DSCC1: variants seen among roughly 807,000 people sequenced by gnomAD.
DSCC1 encodes sister chromatid cohesion protein DCC1.
In DSCC1, 32 loss-of-function variants were observed where a neutral mutation model predicts 48.2. That is an observed-to-expected ratio of 0.66 (90% CI 0.50 to 0.89). DSCC1 has a LOEUF of 0.89. Among genes scored for constraint, DSCC1 ranks in the 40% least tolerant of loss-of-function variants. The pLI, the probability that DSCC1 is intolerant of heterozygous loss-of-function variation, is 0.00. For missense variants in DSCC1, 421 were observed against 471.7 expected (o/e 0.89, Z 1.00); for synonymous variants, 150 against 171.5 (o/e 0.87, Z 0.98).
intron 7 of DSCC1, among the ~76,000 whole-genome samples, 196 bp downstream of exon 7, chr8:119,841,598 G>T (rs1826770145): frequency 6.6e-6 from 1 of 152,116 alleles, no homozygotes; most frequent in Admixed American, 6.6e-5. Flanking sequence ...TATTTTAAAG[G>T]TATATTTTAT....
At chr8:119,848,844 C>T (rs1826899948) in intron 3 of DSCC1, among the ~76,000 whole-genome samples, 1 of 151,972 alleles carries the variant, frequency 6.6e-6, no homozygotes, top group Non-Finnish European at 1.5e-5. Context: ...AATCCCACCA[C>T]TTTGGGAGGC....
chr8:119,855,507 G>C, intron 1 of DSCC1, 107 bp downstream of exon 1: 1 of 1,402,868 alleles, frequency 7.1e-7, no homozygotes, highest in Non-Finnish European at 9.3e-7. Context: ...TGAGCCCCCG[G>C]CCAGGTCAGT....
At chr8:119,842,919 A>T in intron 5 of DSCC1, 91 bp from the exon 6 acceptor site, 1 of 1,068,340 alleles carries the variant, frequency 9.4e-7, no homozygotes, top group Non-Finnish European at 1.4e-6. Context: ...TAAGAAAGAA[A>T]TTTGAGATTT....
At chr8:119,844,033 T>C (rs1471720063) in intron 4 of DSCC1, among the ~76,000 whole-genome samples, 1 of 151,538 alleles carries the variant, frequency 6.6e-6, no homozygotes, top group Non-Finnish European at 1.5e-5. Flanking sequence ...CGCCTCAGCC[T>C]CCCAAAGTGC....
chr8:119,842,803 A>G lies in DSCC1; in HGVS notation c.742T>C (p.Cys248Arg), dbSNP rs1462333840. ...PEEMIEHCLKCYGKKYVDEGE... is the reference protein window; with the variant it reads ...PEEMIEHCLKRYGKKYVDEGE... ...TCATCTACATATTTCTTCCCATAAC[A>G]TTTAAGACAGTGTTCTATCATTTCC... Residue 248 changes from cysteine (C) to arginine (R), a missense_variant, in exon 6 of 9, where the codon TGT (cysteine) becomes CGT (arginine). Physicochemically the swap from Cys to Arg is radical, Grantham distance 180 (BLOSUM62 -3). Around this residue, in one of 3 missense-constraint regions of DSCC1, gnomAD observed 238 missense variants for 259.0 expected, o/e 0.92. Coordinates refer to ENST00000313655, the MANE Select transcript of DSCC1 (RefSeq NM_024094.3). The G allele has an allele frequency of 2.5e-6, 4 of 1,602,296 alleles. No homozygotes were observed. The highest frequency in any genetic ancestry group is 3.4e-6 in the Non-Finnish European group (4 of 1,175,756).
At chr8:119,847,160 T>A in intron 3 of DSCC1, 80 bp from the exon 4 acceptor site, 1 of 1,204,478 alleles carries the variant, frequency 8.3e-7, no homozygotes, top group Non-Finnish European at 1.2e-6. Flanking sequence ...GAGGAATAAA[T>A]ACATAGAACA....
chr8:119,845,105 G>A (rs1826836664), intron 4 of DSCC1, among the ~76,000 whole-genome samples: 1 of 149,516 alleles, frequency 6.7e-6, no homozygotes. Flanking sequence ...ATTTATTTGT[G>A]ATGGAGTCTC....
chr8:119,845,461 G>C (rs80328302), intron 4 of DSCC1, among the ~76,000 whole-genome samples: 1 of 152,040 alleles, frequency 6.6e-6, no homozygotes, highest in African/African-American at 2.4e-5. Context: ...ATTTCTAAAG[G>C]AGAATGTTTC....
chr8:119,855,431 A>C (rs997979710), intron 1 of DSCC1, among the ~76,000 whole-genome samples, 183 bp downstream of exon 1: 1 of 152,094 alleles, frequency 6.6e-6, no homozygotes, highest in African/African-American at 2.4e-5. Flanking sequence ...GCTACTCATC[A>C]CCGCAGTGCA....
intron 5 of DSCC1, among the ~76,000 whole-genome samples, chr8:119,843,249 C>G (rs1329929728): frequency 6.6e-6 from 1 of 151,830 alleles, no homozygotes; most frequent in African/African-American, 2.4e-5. Flanking sequence ...GCACCACGCC[C>G]AGCTAATTTT....
At chr8:119,840,713 A>C (rs1432928865) in intron 7 of DSCC1, among the ~76,000 whole-genome samples, 1 of 151,968 alleles carries the variant, frequency 6.6e-6, no homozygotes, top group Non-Finnish European at 1.5e-5. Context: ...GGAGTTCGAG[A>C]CCAGCCTGGC....
chr8:119,835,147 G>A (rs6998771), intron 8 of DSCC1, 146 bp from the exon 9 acceptor site: 13,072 of 577,664 alleles, frequency 0.023, 378 homozygotes, highest in South Asian at 0.088. Flanking sequence ...GATAGGGTGG[G>A]GAGTGGTTCT....
At chr8:119,849,694 T>G (rs1826917282) in intron 3 of DSCC1, among the ~76,000 whole-genome samples, 1 of 152,172 alleles carries the variant, frequency 6.6e-6, no homozygotes, top group East Asian at 1.9e-4. Context: ...GTTGCACAAC[T>G]CTGAGAATGT....
At chr8:119,843,030 C>T (rs1826796148) in intron 5 of DSCC1, among the ~76,000 whole-genome samples, 1 of 151,980 alleles carries the variant, frequency 6.6e-6, no homozygotes, top group African/African-American at 2.4e-5. Flanking sequence ...CCATGCTAAA[C>T]ATTTTAACAT....
At chr8:119,835,139 T>A (rs561631810) in intron 8 of DSCC1, 138 bp from the exon 9 acceptor site, 1 of 599,774 alleles carries the variant, frequency 1.7e-6, no homozygotes, top group South Asian at 2.3e-5. Flanking sequence ...GTGGGAGAGA[T>A]AGGGTGGGGA....
At chr8:119,848,461 G>A (rs534688651) in intron 3 of DSCC1, among the ~76,000 whole-genome samples, 7 of 152,242 alleles carry the variant, frequency 4.6e-5, no homozygotes, top group Admixed American at 2.0e-4. Context: ...CAAAGAAACC[G>A]AATGGGCATT....
intron 3 of DSCC1, 62 bp downstream of exon 3, chr8:119,850,320 C>T (rs1826926614): frequency 6.9e-7 from 1 of 1,458,000 alleles, no homozygotes; most frequent in Non-Finnish European, 9.1e-7. Context: ...AAGAATGTGA[C>T]TATTAAGTGC....
intron 6 of DSCC1, among the ~76,000 whole-genome samples, chr8:119,842,462 G>A (rs1446124251): frequency 1.3e-5 from 2 of 150,166 alleles, no homozygotes; most frequent in Non-Finnish European, 3.0e-5. Context: ...GTTCATTGCC[G>A]CCTCGACCTC....
At chr8:119,835,037 T>A in intron 8 of DSCC1, 36 bp from the exon 9 acceptor site, 1 of 1,357,872 alleles carries the variant, frequency 7.4e-7, no homozygotes, top group Non-Finnish European at 1.0e-6. Context: ...ACATGAATAT[T>A]TTAGGGAACA....
Sources: allele counts gnomAD v4.1 joint callset (sites outside exome capture counted in the v4.1 genomes callset), GRCh38; gene constraint gnomAD v4.1.1; regional missense constraint gnomAD v4.1.1; transcripts MANE v1.5; gene names NCBI Gene and HGNC (gene_info 2026-07-23, HGNC 2026-07-21).